The following ZNF536 variants were observed in gnomAD, a reference collection of about 807,000 sequenced individuals.
ZNF536 encodes zinc finger protein 536.
ZNF536 carries 13 observed loss-of-function variants against 84.5 expected under a neutral mutation model. The ratio of observed to expected loss-of-function variants is 0.15; its 90% CI spans 0.10 to 0.24. The LOEUF (loss-of-function observed/expected upper bound fraction) is 0.24, where lower values mean the gene tolerates loss of function less well. ZNF536 is among the 10% of genes least tolerant of loss of function. The pLI is 1.00. For missense variants in ZNF536, 1,536 were observed against 1,747.5 expected (o/e 0.88, Z 2.16); for synonymous variants, 811 against 742.5 (o/e 1.09, Z -1.50).
intron 3 of ZNF536, among the ~76,000 whole-genome samples, chr19:30,545,248 C>T (rs16964312): frequency 0.015 from 2,239 of 152,214 alleles, 54 homozygotes; most frequent in African/African-American, 0.052. Context: ...GGGACGCTTA[C>T]AAGGCCAACT....
intron 1 of ZNF536, among the ~76,000 whole-genome samples, chr19:30,610,110 A>T (rs1408027450): frequency 6.6e-6 from 1 of 152,250 alleles, no homozygotes; most frequent in African/African-American, 2.4e-5. Flanking sequence ...TGGAAAGACA[A>T]AAGCACATCC....
chr19:30,259,917 AT>A (rs34342169), intron 1 of ZNF536, among the ~76,000 whole-genome samples: 17,294 of 133,586 alleles, frequency 0.13, 1,042 homozygotes, highest in African/African-American at 0.19. Context: ...TGCCCAGCTA[AT>A]TTTTTTTTTT....
intron 1 of ZNF536, among the ~76,000 whole-genome samples, chr19:30,640,282 A>G (rs2049223294): frequency 6.6e-6 from 1 of 152,130 alleles, no homozygotes; most frequent in Non-Finnish European, 1.5e-5. Flanking sequence ...ATATACACAC[A>G]AATACGCACC....
chr19:30,667,501 G>A (rs1246221890), intron 1 of ZNF536, among the ~76,000 whole-genome samples: 1 of 152,094 alleles, frequency 6.6e-6, no homozygotes, highest in Admixed American at 6.6e-5. Context: ...GGGAAGGTGG[G>A]TGGTTAGGAG....
chr19:30,559,982 C>T (rs1436219480), downstream of ZNF536, among the ~76,000 whole-genome samples: 2 of 152,088 alleles, frequency 1.3e-5, no homozygotes, highest in South Asian at 2.1e-4. Flanking sequence ...AAGCCAGCTC[C>T]GTCCTGCTCC....
At chr19:30,602,901 C>T (rs1044707671) in intron 1 of ZNF536, among the ~76,000 whole-genome samples, 5 of 152,140 alleles carry the variant, frequency 3.3e-5, no homozygotes, top group African/African-American at 1.2e-4. Context: ...AATAATACTA[C>T]TAAATAAATC....
chr19:30,322,774 G>T (rs2046899398), intron 2 of ZNF536, among the ~76,000 whole-genome samples: 1 of 151,924 alleles, frequency 6.6e-6, no homozygotes, highest in Admixed American at 6.6e-5. Flanking sequence ...CCTGCCCACC[G>T]AGCCCCTTAC....
intron 1 of ZNF536, among the ~76,000 whole-genome samples, chr19:30,374,806 G>A (rs1189483201): frequency 1.3e-5 from 2 of 151,800 alleles, no homozygotes; most frequent in African/African-American, 4.8e-5. Context: ...CCCCCAGCCG[G>A]CGCCCGGGCG....
intron 1 of ZNF536, among the ~76,000 whole-genome samples, chr19:30,234,765 A>G (rs975052506): frequency 6.2e-5 from 9 of 144,122 alleles, no homozygotes; most frequent in African/African-American, 2.1e-4. Context: ...ACACACACAC[A>G]CACACACACG....
intron 1 of ZNF536, among the ~76,000 whole-genome samples, chr19:30,676,831 G>T (rs2050769257): frequency 6.6e-6 from 1 of 152,246 alleles, no homozygotes; most frequent in African/African-American, 2.4e-5. Context: ...ACTTAAATGG[G>T]AGTATCTTCT....
chr19:30,676,749 T>C (rs766459903), intron 1 of ZNF536, among the ~76,000 whole-genome samples: 36 of 152,248 alleles, frequency 2.4e-4, no homozygotes, highest in Non-Finnish European at 4.4e-4. Flanking sequence ...ACACATTTTA[T>C]GAAAATGATT....
At chr19:30,337,194 G>A (rs2047409087) in intron 2 of ZNF536, among the ~76,000 whole-genome samples, 1 of 152,114 alleles carries the variant, frequency 6.6e-6, no homozygotes, top group Non-Finnish European at 1.5e-5. Flanking sequence ...CCCTGCTGAG[G>A]CTCTCAGGGC....
At chr19:30,335,029 C>T (rs2047336502) in intron 2 of ZNF536, among the ~76,000 whole-genome samples, 1 of 152,182 alleles carries the variant, frequency 6.6e-6, no homozygotes, top group Admixed American at 6.5e-5. Flanking sequence ...AAGACACGGA[C>T]TGTCAGTGGA....
intron 1 of ZNF536, among the ~76,000 whole-genome samples, chr19:30,242,402 TG>T (rs2024001315): frequency 6.6e-6 from 1 of 152,134 alleles, no homozygotes; most frequent in Admixed American, 6.5e-5. Flanking sequence ...CAGTTATTTT[TG>T]TATGGCAGCA....
At chr19:30,414,637 C>T (rs1307151699) in intron 1 of ZNF536, among the ~76,000 whole-genome samples, 1 of 152,218 alleles carries the variant, frequency 6.6e-6, no homozygotes, top group Non-Finnish European at 1.5e-5. Context: ...TCATCCATCC[C>T]AGCCCCATGT....
At chr19:30,431,900 G>A (rs35197510) in intron 1 of ZNF536, among the ~76,000 whole-genome samples, 58,288 of 151,978 alleles carry the variant, frequency 0.38, 12,889 homozygotes, top group Non-Finnish European at 0.51. Context: ...AAGAAAGCCA[G>A]CGAGAGGAGA....
At chr19:30,607,185 C>T (rs1191118656) in intron 1 of ZNF536, among the ~76,000 whole-genome samples, 1 of 152,182 alleles carries the variant, frequency 6.6e-6, no homozygotes, top group Admixed American at 6.5e-5. Flanking sequence ...CTACACAATA[C>T]CATCATACTT....
intron 1 of ZNF536, among the ~76,000 whole-genome samples, chr19:30,636,364 T>C (rs2049064702): frequency 6.6e-6 from 1 of 152,174 alleles, no homozygotes; most frequent in South Asian, 2.1e-4. Flanking sequence ...ATGCGTGTCC[T>C]GGCTCCACTG....
intron 1 of ZNF536, among the ~76,000 whole-genome samples, chr19:30,432,006 T>TATATATATATATACAC (rs149223384): frequency 1.0e-4 from 15 of 146,072 alleles, no homozygotes; most frequent in East Asian, 4.9e-4. Context: ...TATATATATA[T>TATATATATATATACAC]ACACACACAC....
Sources: gnomAD v4.1 joint callset for allele counts (sites outside exome capture counted in the v4.1 genomes callset) on GRCh38, gnomAD v4.1.1 for gene constraint, MANE v1.5 for transcripts, NCBI Gene and HGNC (gene_info 2026-07-23, HGNC 2026-07-21) for gene names.